Variants in SPART observed in about 807,000 individuals in gnomAD.
SPART encodes the protein spastic paraplegia 20 (Troyer syndrome).
In SPART, 35 loss-of-function variants were observed where a neutral mutation model predicts 58.7. The observed-to-expected ratio is 0.60, with a 90% CI of 0.46 to 0.79. The LOEUF (loss-of-function observed/expected upper bound fraction) is 0.79, where lower values mean the gene tolerates loss of function less well. SPART is among the 30% of genes least tolerant of loss of function. The pLI, the probability that SPART is intolerant of heterozygous loss-of-function variation, is 0.00. For synonymous variants in SPART, 284 were observed against 280.7 expected, an observed-to-expected ratio of 1.01 and a Z score of -0.12; for missense variants, 730 against 786.1, an observed-to-expected ratio of 0.93 and a Z score of 0.85.
intron 1 of SPART, among the ~76,000 whole-genome samples, chr13:36,367,928 G>A (rs559170862): frequency 2.5e-4 from 38 of 152,162 alleles, no homozygotes; most frequent in African/African-American, 7.5e-4. Context: ...AGGATACGAC[G>A]GATAATCATT....
chr13:36,318,345 G>A lies in SPART; in HGVS notation c.1289-3924C>T, dbSNP rs141652106. On this transcript the variant is annotated intron_variant, in intron 5 of 8. Transcript: ENST00000438666. ...TTTTCTTTATCCCAAATCAGATAGC[G>A]TTTAGGCTCTTTTTCATCAAATATA... Among the ~76,000 whole-genome samples the A allele has an allele frequency of 3.0e-3, 459 of 152,198 alleles. 4 individuals are homozygous for A. The highest frequency in any genetic ancestry group is 0.01 in the African/African-American group (430 of 41,520).
chr13:36,362,611 G>A (rs1421401063), intron 1 of SPART, among the ~76,000 whole-genome samples: 1 of 152,048 alleles, frequency 6.6e-6, no homozygotes, highest in Non-Finnish European at 1.5e-5. Flanking sequence ...TCTGCATGAG[G>A]CCACCTGAGA....
intron 1 of SPART, among the ~76,000 whole-genome samples, chr13:36,367,898 T>C (rs1593299990): frequency 6.6e-6 from 1 of 152,174 alleles, no homozygotes; most frequent in South Asian, 2.1e-4. Context: ...TCCTAAGCTT[T>C]TAAAAAATTA....
intron 5 of SPART, among the ~76,000 whole-genome samples, chr13:36,323,597 G>T (rs1229740271): frequency 6.6e-6 from 1 of 152,138 alleles, no homozygotes; most frequent in Non-Finnish European, 1.5e-5. Context: ...TACTCATTTT[G>T]TACATAGACT....
intron 5 of SPART, among the ~76,000 whole-genome samples, chr13:36,323,218 G>C (rs1246351256): frequency 6.6e-6 from 1 of 152,182 alleles, no homozygotes; most frequent in Non-Finnish European, 1.5e-5. Flanking sequence ...AGGGAGTTGA[G>C]AGGGGACATT....
chr13:36,347,452 C>T (rs1201549001), upstream of SPART, among the ~76,000 whole-genome samples: 1 of 152,130 alleles, frequency 6.6e-6, no homozygotes, highest in Non-Finnish European at 1.5e-5. Context: ...AGCTTGACCT[C>T]AAGTTAGCCA....
chr13:36,307,494 AG>A (rs1880634774), intron 8 of SPART, among the ~76,000 whole-genome samples: 1 of 152,142 alleles, frequency 6.6e-6, no homozygotes, highest in Admixed American at 6.5e-5. Flanking sequence ...AATTTTCTAC[AG>A]GAAAAAAAGT....
chr13:36,329,684 A>G (rs1883282394), intron 3 of SPART, among the ~76,000 whole-genome samples, 167 bp from the exon 4 acceptor site: 1 of 152,210 alleles, frequency 6.6e-6, no homozygotes, highest in South Asian at 2.1e-4. Context: ...CTTTTGTTTC[A>G]TCACCAAACC....
chr13:36,315,193 G>A (rs1881564521), intron 5 of SPART, among the ~76,000 whole-genome samples: 1 of 152,198 alleles, frequency 6.6e-6, no homozygotes, highest in South Asian at 2.1e-4. Context: ...GAGGAACAGA[G>A]GGATGGAAGG....
At chr13:36,324,738 T>C (rs1361319980) in intron 5 of SPART, among the ~76,000 whole-genome samples, 1 of 152,196 alleles carries the variant, frequency 6.6e-6, no homozygotes, top group Non-Finnish European at 1.5e-5. Flanking sequence ...AACAAGGCTG[T>C]TTATTTCACC....
At chr13:36,340,842 T>G (rs893416723) in intron 1 of SPART, among the ~76,000 whole-genome samples, 15 of 152,166 alleles carry the variant, frequency 9.9e-5, no homozygotes, top group Admixed American at 7.9e-4. Context: ...AACTAAGGAT[T>G]AACTCTAGGG....
chr13:36,312,365 T>C lies in SPART; in HGVS notation c.1596A>G (p.Lys532=), dbSNP rs1881217574. The change falls in exon 7 of 9, where the codon AAA becomes AAG. Residue 532 remains lysine (K), a synonymous_variant. Transcript: ENST00000438666. ...CAACCATAGCACCATCCAGAGGAGA[T>C]TTCCCATCTTTGTCTTTTTTAAGAG... is the stretch of plus-strand genomic sequence containing the variant. ...PESLKKDKDG[K]SPLDGAMVVA... 1.1e-5 allele frequency: 17 copies of C among 1,613,966 alleles called. No individual in the cohort carries two copies. The highest frequency in any genetic ancestry group is 1.3e-5 in the African/African-American group (1 of 74,908).
At chr13:36,310,162 G>A (rs1002916133) in intron 8 of SPART, among the ~76,000 whole-genome samples, 3 of 152,040 alleles carry the variant, frequency 2.0e-5, no homozygotes, top group South Asian at 2.1e-4. Flanking sequence ...TAATTAATAC[G>A]TAGGAAAAGC....
At chr13:36,318,813 G>C (rs1463068282) in intron 5 of SPART, among the ~76,000 whole-genome samples, 1 of 152,088 alleles carries the variant, frequency 6.6e-6, no homozygotes, top group African/African-American at 2.4e-5. Flanking sequence ...CTGAAAATCG[G>C]ACTGTTCAAC....
chr13:36,358,993 A>G (rs893845117), intron 1 of SPART, among the ~76,000 whole-genome samples: 3 of 152,136 alleles, frequency 2.0e-5, no homozygotes, highest in African/African-American at 7.2e-5. Flanking sequence ...TCATCATTCT[A>G]TCTCACCACC....
intron 1 of SPART, among the ~76,000 whole-genome samples, chr13:36,362,259 G>T (rs1010240516): frequency 6.6e-6 from 1 of 150,664 alleles, no homozygotes; most frequent in Non-Finnish European, 1.5e-5. Flanking sequence ...GCTGAGGCAG[G>T]AGAATCACTT....
At chr13:36,344,378 G>T (rs145466588) in intron 1 of SPART, among the ~76,000 whole-genome samples, 50 of 152,304 alleles carry the variant, frequency 3.3e-4, no homozygotes, top group Admixed American at 1.8e-3. Flanking sequence ...AAAGAAGAGT[G>T]TGCCTGTGTG....
chr13:36,348,337 A>G (rs1436542956), upstream of SPART, among the ~76,000 whole-genome samples: 1 of 152,184 alleles, frequency 6.6e-6, no homozygotes, highest in African/African-American at 2.4e-5. Context: ...CATCTACTCT[A>G]CTTCTTTACA....
chr13:36,337,695 C>T (rs931200248), intron 1 of SPART, among the ~76,000 whole-genome samples: 6 of 152,104 alleles, frequency 3.9e-5, no homozygotes, highest in Non-Finnish European at 2.9e-5. Context: ...AGTGTGAAAA[C>T]GGACTAATAC....
Sources: allele counts gnomAD v4.1 joint callset (sites outside exome capture counted in the v4.1 genomes callset), GRCh38; gene constraint gnomAD v4.1.1; transcripts MANE v1.5; gene names NCBI Gene and HGNC (gene_info 2026-07-23, HGNC 2026-07-21).